Variants in ZMIZ2 observed in about 807,000 individuals in gnomAD.
The protein encoded by ZMIZ2 is zinc finger MIZ-type containing 2.
In ZMIZ2, 26 loss-of-function variants were observed where a neutral mutation model predicts 93.9. That is an observed-to-expected ratio of 0.28 (90% CI 0.20 to 0.38). The LOEUF (loss-of-function observed/expected upper bound fraction) is 0.38. Ranked by LOEUF, ZMIZ2 falls within the 10% of genes least tolerant of loss-of-function variation. The pLI is 1.00. For synonymous variants in ZMIZ2, 485 were observed against 516.4 expected, an observed-to-expected ratio of 0.94 and a Z score of 0.82; for missense variants, 1,023 against 1,235.0, an observed-to-expected ratio of 0.83 and a Z score of 2.57.
At chr7:44,751,743 G>A (rs1790165741) in intron 1 of ZMIZ2, among the ~76,000 whole-genome samples, 1 of 152,196 alleles carries the variant, frequency 6.6e-6, no homozygotes, top group South Asian at 2.1e-4. Flanking sequence ...ATCACTTGAG[G>A]TCAAGAGTTC....
In ZMIZ2 at chr7:44,756,501, A is replaced by G. The variant is rs760795097; in HGVS notation, c.127A>G (p.Thr43Ala). ...TQPAGSLSVV[T>A]TVWGVGNATQ... ...GCCGGCTGGATCGCTGTCTGTGGTC[A>G]CTACTGTGTGGGGAGTTGGCAACGC... Residue 43 changes from threonine to alanine, a missense_variant, in exon 3 of 19, where the codon ACT becomes GCT. By Grantham distance (58) the Thr-to-Ala change is moderately conservative (BLOSUM62 0). Coordinates refer to ENST00000309315, the MANE Select transcript of ZMIZ2 (RefSeq NM_031449.4). 2.5e-6 allele frequency: 4 copies of G among 1,614,060 alleles called. No individual in the cohort carries two copies. Among genetic ancestry groups the G allele is most frequent in the Admixed American group, 1.7e-5 (1 of 60,024 alleles).
rs1791731498 is a variant in ZMIZ2, at chr7:44,766,572, C to T, written c.2564C>T (p.Pro855Leu). 6.2e-7 allele frequency: 1 copy of T among 1,613,678 alleles called. No homozygotes were observed. Among genetic ancestry groups the T allele is most frequent in the South Asian group, 1.1e-5 (1 of 91,096 alleles). The part of the protein sequence containing the change: ...RQSLGQASLG[P>L]TGELAFSPAT... ...TCCTTGGGCCAAGCGAGCTTAGGAC[C>T]TACGGGTGAACTGGCCTTCAGTCCT... Residue 855 changes from proline (P) to leucine (L), a missense_variant, in exon 18 of 19, where the codon CCT becomes CTT. Around this residue, in one of 3 missense-constraint regions of ZMIZ2, gnomAD observed 319 missense variants for 358.8 expected, o/e 0.89. Transcript: ENST00000309315. This position sits in a 1 kb window ranked among gnomAD's most constrained non-coding sequence, Gnocchi z 4.4.
At chr7:44,762,771 C>G in intron 11 of ZMIZ2, 110 bp from the exon 12 acceptor site, 17 of 490,908 alleles carry the variant, frequency 3.5e-5, no homozygotes, top group East Asian at 4.8e-5. Context: ...TCAGCCTTGT[C>G]CCTCCCCCAC....
At chr7:44,751,391 G>T (rs1196837179) in intron 1 of ZMIZ2, among the ~76,000 whole-genome samples, 1 of 152,238 alleles carries the variant, frequency 6.6e-6, no homozygotes, top group Non-Finnish European at 1.5e-5. Context: ...CCAGCTGCGA[G>T]CTGGTTTTGA....
chr7:44,757,434 C>A lies in ZMIZ2; in HGVS notation c.425C>A (p.Thr142Asn). The change falls in exon 5 of 19, where the codon ACT becomes AAT. Residue 142 changes from threonine (T) to asparagine (N), a missense_variant. Around this residue, in one of 3 missense-constraint regions of ZMIZ2, gnomAD observed 656 missense variants for 777.1 expected, o/e 0.84. Transcript: ENST00000309315. ...GLPSHAARPSTDFTQAAAAAA... is the reference protein window; with the variant it reads ...GLPSHAARPSNDFTQAAAAAA... ...CCCTCACATGCTGCAAGACCCTCCACTGACTTCACGCAAGCGGCAGCTGCT... is the reference window on the plus strand; with the variant it reads ...CCCTCACATGCTGCAAGACCCTCCAATGACTTCACGCAAGCGGCAGCTGCT... 6.2e-7 allele frequency: 1 copy of A among 1,606,208 alleles called. No individual in the cohort carries two copies. Among genetic ancestry groups the A allele is most frequent in the Non-Finnish European group, 8.5e-7 (1 of 1,179,914 alleles).
intron 18 of ZMIZ2, 142 bp from the exon 19 acceptor site, chr7:44,767,374 C>T (rs538232429): frequency 6.4e-5 from 48 of 747,482 alleles, no homozygotes; most frequent in African/African-American, 1.6e-4. Context: ...GGTGGGGCCC[C>T]GCACCCGGCC....
chr7:44,754,544 C>T (rs1186007109), intron 1 of ZMIZ2, among the ~76,000 whole-genome samples: 4 of 152,196 alleles, frequency 2.6e-5, no homozygotes, highest in African/African-American at 9.7e-5. Flanking sequence ...TTCTCACCTG[C>T]TCTGGGGCCC....
At position 44,765,691 on chromosome 7, in the gene ZMIZ2, G is replaced by C; in HGVS notation, c.2242+112G>C. On this transcript the variant is annotated intron_variant, in intron 16 of 18. Coordinates refer to ENST00000309315, the MANE Select transcript of ZMIZ2 (RefSeq NM_031449.4). This position sits in a 1 kb window ranked among gnomAD's most constrained non-coding sequence, Gnocchi z 4.1. ...GTGGCTATGCAGGTCACACACCTAGGTTATCAGTGTTGCCACACAAAACAT... is the reference window on the plus strand; with the variant it reads ...GTGGCTATGCAGGTCACACACCTAGCTTATCAGTGTTGCCACACAAAACAT... 1 of 1,441,438 alleles carries C rather than the reference G, an allele frequency of 6.9e-7. No homozygotes were observed. The highest frequency in any genetic ancestry group is 9.3e-7 in the Non-Finnish European group (1 of 1,074,340). 89.3% of individuals were successfully genotyped at this position (1,441,438 alleles called of 1,614,324 possible). A position where few individuals can be genotyped will look rare whatever the true frequency, so the allele number is the denominator to read the frequency against.
At chr7:44,760,087 G>C in intron 7 of ZMIZ2, 64 bp from the exon 8 acceptor site, 2 of 1,588,360 alleles carry the variant, frequency 1.3e-6, no homozygotes, top group East Asian at 2.2e-5. Flanking sequence ...TCTAGGGTCA[G>C]GTCCAGGGGG....
In ZMIZ2 at chr7:44,748,948, G is replaced by A. The variant is rs1488475912; in HGVS notation, c.-106G>A. The A allele has an allele frequency of 6.7e-6, 1 of 148,424 alleles. No individual in the cohort carries two copies. The highest frequency in any genetic ancestry group is 1.9e-4 in the East Asian group (1 of 5,148). 9.2% of individuals were successfully genotyped at this position (148,424 alleles called of 1,614,324 possible). ...GGGCTGAGCGCATGGAGCGGCGCGG[G>A]CCGGGGGCCGCCACGGCGAGGGGCC... is the stretch of plus-strand genomic sequence containing the variant. On this transcript the variant is annotated 5_prime_UTR_variant, in exon 1 of 19. Transcript: ENST00000309315.
rs1223768090 is a variant in ZMIZ2, at chr7:44,757,830, T to C, written c.553-18T>C. On this transcript the variant is annotated intron_variant, in intron 5 of 18. Transcript: ENST00000309315. ...TTGTGGGTGGGACCTGGACCATTCT[T>C]CTTTTTTCTCTTCCTAGATGGGGGC... is the stretch of plus-strand genomic sequence containing the variant. The C allele has an allele frequency of 1.6e-5, 24 of 1,534,194 alleles. No individual in the cohort carries two copies. The East Asian group carries it at 5.2e-4, about 33-fold the overall frequency.
At chr7:44,752,798 A>G (rs1790270415) in intron 1 of ZMIZ2, among the ~76,000 whole-genome samples, 1 of 152,234 alleles carries the variant, frequency 6.6e-6, no homozygotes. Flanking sequence ...GCTCTTGCAA[A>G]TAAAGCAGTT....
At chr7:44,767,265 G>T (rs1433755447) in intron 18 of ZMIZ2, among the ~76,000 whole-genome samples, 1 of 152,160 alleles carries the variant, frequency 6.6e-6, no homozygotes, top group Non-Finnish European at 1.5e-5. Flanking sequence ...TTTCCTGGTG[G>T]TATTGAACAG....
Position 44,765,314 on chromosome 7 carries a change from TC to T in ZMIZ2, c.1998-17del. On this transcript the variant is annotated intron_variant, in intron 15 of 18. Coordinates refer to ENST00000309315, the MANE Select transcript of ZMIZ2 (RefSeq NM_031449.4). This position sits in a 1 kb window ranked among gnomAD's most constrained non-coding sequence, Gnocchi z 4.1. ...CAGCAGCAGGCCAGGAGGTAACCAT[TC>T]CCCACCTGTCCCTGCCCAGCTCTGA... is the stretch of plus-strand genomic sequence containing the variant. The T allele has an allele frequency of 6.2e-7, 1 of 1,609,972 alleles. No homozygotes were observed.
Position 44,757,493 on chromosome 7 carries a change from G to T in ZMIZ2, c.484G>T (p.Ala162Ser). The change falls in exon 5 of 19, where the codon GCC becomes TCC. Residue 162 changes from alanine to serine, a missense_variant. Physicochemically the swap from Ala to Ser is moderately conservative, Grantham distance 99. Around this residue, in one of 3 missense-constraint regions of ZMIZ2, gnomAD observed 656 missense variants for 777.1 expected, o/e 0.84. Transcript: ENST00000309315. The part of the protein sequence containing the change: ...AVAAAAATAT[A>S]TATATVAALQ... ...GGCTGCTGCGGCAGCCACTGCCACC[G>T]CCACAGCCACAGCCACCGTGGCTGC... 1 of 1,606,678 alleles carries T rather than the reference G, an allele frequency of 6.2e-7. No individual in the cohort carries two copies.
Position 44,756,131 on chromosome 7 carries a change from G to C in ZMIZ2, c.-62-57G>C. On this transcript the variant is annotated intron_variant, in intron 1 of 18. Coordinates refer to ENST00000309315, the MANE Select transcript of ZMIZ2 (RefSeq NM_031449.4). ...GCTGGCACCGGGGTCCCTCCACCCTGCTGAAAGGGTCTCCTGGCTGCATCG... is the reference window on the plus strand; with the variant it reads ...GCTGGCACCGGGGTCCCTCCACCCTCCTGAAAGGGTCTCCTGGCTGCATCG... The C allele has an allele frequency of 2.1e-6, 3 of 1,442,834 alleles. No homozygotes were observed. The South Asian group carries it at 3.6e-5, about 17-fold the overall frequency. 89.4% of individuals were successfully genotyped at this position (1,442,834 alleles called of 1,614,324 possible).
At position 44,766,752 on chromosome 7, in the gene ZMIZ2, A is replaced by G. The variant is rs1225012426; in HGVS notation, c.2655+89A>G. ...CCAGGTGCGTTCTGGAAGGGAAGAC[A>G]GTGACCCCTCAGAGAGCCGGTCAGA... is the stretch of plus-strand genomic sequence containing the variant. On this transcript the variant is annotated intron_variant, in intron 18 of 18. Coordinates refer to ENST00000309315, the MANE Select transcript of ZMIZ2 (RefSeq NM_031449.4). This position sits in a 1 kb window ranked among gnomAD's most constrained non-coding sequence, Gnocchi z 4.4. 9 of 1,560,164 alleles carry G rather than the reference A, an allele frequency of 5.8e-6. No homozygotes were observed. In the South Asian group the frequency reaches 5.8e-5, roughly 10 times the overall value.
intron 1 of ZMIZ2, among the ~76,000 whole-genome samples, chr7:44,749,662 C>T (rs1789964558): frequency 6.6e-6 from 1 of 152,190 alleles, no homozygotes; most frequent in African/African-American, 2.4e-5. Flanking sequence ...CACCCCCACC[C>T]GGTGCCTTGT....
rs1355842257 is a variant in ZMIZ2 at position 44,763,684 on chromosome 7, T to G, written c.1860+271T>G. 2 of 493,276 alleles carry G rather than the reference T, an allele frequency of 4.1e-6. No individual in the cohort carries two copies. Among genetic ancestry groups the G allele is most frequent in the Non-Finnish European group, 7.3e-6 (2 of 275,402 alleles). The allele number at this position is 493,276 out of a possible 1,614,324, so 30.6% of individuals were successfully genotyped here. Reference sequence around the variant, plus strand: ...TTTTGAAAGGCATAAGATTGCAGGGTCCAGTCTTCCTGCCCTACCCCCAAG... The same window carrying G: ...TTTTGAAAGGCATAAGATTGCAGGGGCCAGTCTTCCTGCCCTACCCCCAAG... On this transcript the variant is annotated intron_variant, in intron 13 of 18. Coordinates refer to ENST00000309315, the MANE Select transcript of ZMIZ2 (RefSeq NM_031449.4). This position sits in a 1 kb window ranked among gnomAD's most constrained non-coding sequence, Gnocchi z 5.6.
Sources: gnomAD v4.1 joint callset for allele counts (sites outside exome capture counted in the v4.1 genomes callset) on GRCh38, gnomAD v4.1.1 for gene constraint, gnomAD v4.1.1 regional missense constraint, Gnocchi (gnomAD v3.1) non-coding constraint, MANE v1.5 for transcripts, NCBI Gene and HGNC (gene_info 2026-07-23, HGNC 2026-07-21) for gene names.